DOP1B: variants seen among roughly 807,000 people sequenced by gnomAD.
The protein encoded by DOP1B is protein DOP1B.
A neutral mutation model predicts 233.5 loss-of-function variants in DOP1B; 174 were observed. The ratio of observed to expected loss-of-function variants is 0.75; its 90% confidence interval spans 0.66 to 0.85. The LOEUF is 0.85. Among genes scored for constraint, DOP1B ranks in the 40% least tolerant of loss-of-function variants. DOP1B has a pLI of 0.00. For synonymous variants in DOP1B, 1,190 were observed against 1,185.6 expected (o/e 1.00, Z -0.08); for missense variants, 2,652 against 2,846.6 (o/e 0.93, Z 1.56).
chr21:36,224,928 C>T (rs2066664935), intron 11 of DOP1B, among the ~76,000 whole-genome samples: 1 of 151,924 alleles, frequency 6.6e-6, no homozygotes, highest in Admixed American at 6.6e-5. Flanking sequence ...TGGTGTTCTC[C>T]AGCCCAGCCT....
intron 4 of DOP1B, among the ~76,000 whole-genome samples, chr21:36,203,554 C>T (rs970775983): frequency 6.6e-6 from 1 of 151,842 alleles, no homozygotes; most frequent in African/African-American, 2.4e-5. Context: ...GGCAACAGAG[C>T]AAGACTCCAT....
At chr21:36,292,257 T>TTTTC in intron 36 of DOP1B, 24 bp downstream of exon 36, 2 of 406,246 alleles carry the variant, frequency 4.9e-6, no homozygotes, top group South Asian at 1.1e-4. Context: ...TTTTCTTTTC[T>TTTTC]TTTTTTTTTT....
At chr21:36,254,959 T>TTC (rs1226128070) in intron 23 of DOP1B, among the ~76,000 whole-genome samples, 2 of 150,902 alleles carry the variant, frequency 1.3e-5, no homozygotes, top group Non-Finnish European at 1.5e-5. Flanking sequence ...TTTTTTTTTT[T>TTC]TTTTTTTTGA....
Position 36,232,842 on chromosome 21 carries a change from C to G in DOP1B, c.2389C>G (p.Leu797Val). Residue 797 changes from leucine (L) to valine (V), a missense_variant, in exon 15 of 37, where the codon CTC becomes GTC. By Grantham distance (32) the Leu-to-Val change is conservative. This residue lies in a region of DOP1B where 2,617 missense variants were observed against 2,794.3 expected (regional missense o/e 0.94). Transcript: ENST00000691173. ...CAGTTTTCCATCTTGGCTGAAGTCC[C>G]TCATGACTATTTGCTGCTGTGTGAC... ...DSSFPSWLKSLMTICCCVTDC... is the reference protein window; with the variant it reads ...DSSFPSWLKSVMTICCCVTDC... 3 of 1,613,376 alleles carry G rather than the reference C, an allele frequency of 1.9e-6. No homozygotes were observed. Among genetic ancestry groups the G allele is most frequent in the Non-Finnish European group, 2.5e-6 (3 of 1,179,932 alleles).
intron 2 of DOP1B, among the ~76,000 whole-genome samples, chr21:36,173,347 C>G (rs2065990254): frequency 6.6e-6 from 1 of 151,778 alleles, no homozygotes; most frequent in African/African-American, 2.4e-5. Context: ...TAGACAGATT[C>G]TAATGGTATC....
intron 2 of DOP1B, 100 bp from the exon 3 acceptor site, chr21:36,198,970 C>G (rs376995741): frequency 7.8e-7 from 1 of 1,287,614 alleles, no homozygotes; most frequent in Admixed American, 2.3e-5. Flanking sequence ...TACAGCCACA[C>G]TGGGACATGG....
chr21:36,208,593 G>C (rs1266859183), intron 4 of DOP1B, 122 bp from the exon 5 acceptor site: 1 of 1,034,212 alleles, frequency 9.7e-7, no homozygotes, highest in Non-Finnish European at 1.4e-6. Flanking sequence ...CGATGAGGAA[G>C]GTGGGGCTTC....
intron 2 of DOP1B, among the ~76,000 whole-genome samples, chr21:36,189,730 GT>G (rs2066209317): frequency 6.6e-6 from 1 of 151,526 alleles, no homozygotes; most frequent in Non-Finnish European, 1.5e-5. Flanking sequence ...GGGATTTTGG[GT>G]TAGGCACAGT....
rs574328216 is a variant in DOP1B, at chr21:36,274,423, A to G, written c.5633-2598A>G. On this transcript the variant is annotated intron_variant, in intron 27 of 36. Coordinates refer to ENST00000691173, the MANE Select transcript of DOP1B (RefSeq NM_001320714.2). Reference sequence around the variant, plus strand: ...TTAAGCAATTTACCAAGGTGGAAAAAACAGAAGAAAAAACATTTCGTAGAG... The same window carrying G: ...TTAAGCAATTTACCAAGGTGGAAAAGACAGAAGAAAAAACATTTCGTAGAG... Among the ~76,000 whole-genome samples the G allele has an allele frequency of 2.0e-5, 3 of 152,298 alleles. No homozygotes were observed. In the East Asian group the frequency reaches 5.8e-4, roughly 29 times the overall value.
At chr21:36,172,659 C>T (rs1224714507) in intron 2 of DOP1B, among the ~76,000 whole-genome samples, 1 of 152,092 alleles carries the variant, frequency 6.6e-6, no homozygotes, top group Non-Finnish European at 1.5e-5. Context: ...TACTCAGAAG[C>T]CTGAGGTGGG....
intron 28 of DOP1B, 70 bp from the exon 29 acceptor site, chr21:36,277,905 G>C (rs556471631): frequency 5.9e-5 from 75 of 1,264,892 alleles, no homozygotes; most frequent in African/African-American, 2.8e-4. Flanking sequence ...GCCTCCCGAA[G>C]TGCTGGGATT....
intron 18 of DOP1B, among the ~76,000 whole-genome samples, chr21:36,240,397 T>C (rs1180746691): frequency 6.6e-6 from 1 of 152,066 alleles, no homozygotes; most frequent in African/African-American, 2.4e-5. Flanking sequence ...GGAGAATCTC[T>C]TGAACCCGGG....
chr21:36,188,924 C>A (rs539848924), intron 2 of DOP1B, among the ~76,000 whole-genome samples: 9 of 152,232 alleles, frequency 5.9e-5, no homozygotes, highest in African/African-American at 1.7e-4. Context: ...TAAATTACTC[C>A]TTTTTTAAAG....
In DOP1B at chr21:36,223,390, A is replaced by C. The variant is rs763867255; in HGVS notation, c.1370+40A>C. 9.5e-6 allele frequency: 15 copies of C among 1,587,020 alleles called. No homozygotes were observed. In the African/African-American group the frequency reaches 1.5e-4, roughly 16 times the overall value. ...CAAGAATGCAGAATATTTAGGAAGG[A>C]TGAGAGGGTTTAATAATTTTGTAGC... is the stretch of plus-strand genomic sequence containing the variant. On this transcript the variant is annotated intron_variant, in intron 11 of 36. Coordinates refer to ENST00000691173, the MANE Select transcript of DOP1B (RefSeq NM_001320714.2).
intron 10 of DOP1B, among the ~76,000 whole-genome samples, chr21:36,220,271 A>G (rs1455885513): frequency 6.6e-6 from 1 of 152,016 alleles, no homozygotes; most frequent in Admixed American, 6.6e-5. Context: ...AAAGCGGTTT[A>G]TTGTTTTTCT....
At chr21:36,190,070 C>T (rs2066214012) in intron 2 of DOP1B, among the ~76,000 whole-genome samples, 1 of 151,188 alleles carries the variant, frequency 6.6e-6, no homozygotes, top group African/African-American at 2.4e-5. Context: ...GTAATCCCAG[C>T]ACTTTGGGAG....
chr21:36,219,609 G>A, intron 10 of DOP1B, 117 bp downstream of exon 10: 2 of 1,405,546 alleles, frequency 1.4e-6, no homozygotes, highest in Non-Finnish European at 1.9e-6. Flanking sequence ...AGATGCAGCA[G>A]GTGAGACCAT....
At chr21:36,249,423 G>A (rs1452822867) in intron 21 of DOP1B, among the ~76,000 whole-genome samples, 3 of 152,132 alleles carry the variant, frequency 2.0e-5, no homozygotes, top group African/African-American at 7.2e-5. Context: ...GTGAGACCCT[G>A]TCTCAAAAAC....
chr21:36,235,085 T>A (rs2066810516), intron 15 of DOP1B, among the ~76,000 whole-genome samples: 1 of 152,204 alleles, frequency 6.6e-6, no homozygotes, highest in Non-Finnish European at 1.5e-5. Context: ...ATTTATTCCT[T>A]GGAGCACACT....
Sources: allele counts gnomAD v4.1 joint callset (sites outside exome capture counted in the v4.1 genomes callset), GRCh38; gene constraint gnomAD v4.1.1; regional missense constraint gnomAD v4.1.1; transcripts MANE v1.5; gene names NCBI Gene and HGNC (gene_info 2026-07-23, HGNC 2026-07-21).